ARFGEF1: variants seen among roughly 807,000 people sequenced by gnomAD.
ARFGEF1 encodes brefeldin A-inhibited guanine nucleotide-exchange protein 1.
In ARFGEF1, 42 loss-of-function variants were observed where a neutral mutation model predicts 231.0. The ratio of observed to expected loss-of-function variants is 0.18; its 90% CI spans 0.14 to 0.24. The LOEUF is 0.24. Ranked by LOEUF, ARFGEF1 falls within the 10% of genes least tolerant of loss-of-function variation. ARFGEF1 has a pLI of 1.00. For missense variants in ARFGEF1, 1,345 were observed against 2,192.0 expected (o/e 0.61, Z 7.72); for synonymous variants, 710 against 732.3 (o/e 0.97, Z 0.49).
Position 67,338,413 on chromosome 8 carries a change from T to C in ARFGEF1, c.124+4751A>G, listed in dbSNP as rs537289545. Among the ~76,000 whole-genome samples the C allele has an allele frequency of 4.4e-4, 67 of 152,234 alleles. 1 individual carries two copies. The highest frequency in any genetic ancestry group is 1.5e-3 in the African/African-American group (64 of 41,536). On this transcript the variant is annotated intron_variant, in intron 1 of 38. Coordinates refer to ENST00000262215, the MANE Select transcript of ARFGEF1 (RefSeq NM_006421.5). Reference sequence around the variant, plus strand: ...GGGAGTTAACTGAGTTAGCAAACAATGAAAAAGGATCACATAAATTCAGGA... The same window carrying C: ...GGGAGTTAACTGAGTTAGCAAACAACGAAAAAGGATCACATAAATTCAGGA...
At chr8:67,228,311 T>G in intron 23 of ARFGEF1, 47 bp from the exon 24 acceptor site, 1 of 1,541,934 alleles carries the variant, frequency 6.5e-7, no homozygotes, top group East Asian at 2.3e-5. Flanking sequence ...GTTACTGTTC[T>G]TATTCCAATT....
chr8:67,286,430 T>A (rs907022414), intron 7 of ARFGEF1, among the ~76,000 whole-genome samples: 2 of 152,120 alleles, frequency 1.3e-5, no homozygotes, highest in African/African-American at 4.8e-5. Context: ...TTATAAAGGG[T>A]CAGATGATAA....
chr8:67,295,382 G>A (rs961321499), intron 5 of ARFGEF1, among the ~76,000 whole-genome samples: 45 of 152,218 alleles, frequency 3.0e-4, no homozygotes, highest in Admixed American at 2.6e-3. Context: ...TTAACCAAGT[G>A]ATCAAGGTTA....
intron 5 of ARFGEF1, among the ~76,000 whole-genome samples, chr8:67,180,444 G>C (rs1324937192): frequency 1.3e-5 from 2 of 152,160 alleles, no homozygotes; most frequent in Non-Finnish European, 2.9e-5. Context: ...GATAGGGAGA[G>C]GTGTATATGG....
intron 1 of ARFGEF1, among the ~76,000 whole-genome samples, chr8:67,335,986 T>C (rs1292546716): frequency 1.3e-5 from 2 of 152,194 alleles, no homozygotes; most frequent in Non-Finnish European, 2.9e-5. Context: ...CCTGACCTCA[T>C]GATCCACCTG....
At chr8:67,292,180 G>A in intron 5 of ARFGEF1, 57 bp from the exon 6 acceptor site, 1 of 1,480,802 alleles carries the variant, frequency 6.8e-7, no homozygotes. Flanking sequence ...AATTTGGAAG[G>A]ATAATGTTAC....
In ARFGEF1 at chr8:67,343,660, G is replaced by A. The variant is rs1238054289; in HGVS notation, c.-373C>T. The A allele has an allele frequency of 1.0e-6, 1 of 979,730 alleles. No individual in the cohort carries two copies. Among genetic ancestry groups the A allele is most frequent in the Admixed American group, 5.9e-5 (1 of 16,992 alleles). The allele number at this position is 979,730 out of a possible 1,614,324, so 60.7% of individuals were successfully genotyped here. On this transcript the variant is annotated 5_prime_UTR_variant, in exon 1 of 39. Coordinates refer to ENST00000262215, the MANE Select transcript of ARFGEF1 (RefSeq NM_006421.5). ...GGGAACTGAGGGACGAGGTGGCGGC[G>A]GCTCTCAGAGGCACCGCGAGAGAAG...
In ARFGEF1 at chr8:67,227,338, A is replaced by G. The variant is rs779140904; in HGVS notation, c.3744-29T>C. 1.1e-5 allele frequency: 18 copies of G among 1,603,300 alleles called. No homozygotes were observed. The South Asian group carries it at 1.7e-4, about 15-fold the overall frequency. ...AAAATATTAATATAATTGCTTGGAT[A>G]TGCAAACCGATAAAACTCATCAGTT... On this transcript the variant is annotated intron_variant, in intron 26 of 38. Coordinates refer to ENST00000262215, the MANE Select transcript of ARFGEF1 (RefSeq NM_006421.5).
chr8:67,317,761 C>T (rs904931017), intron 1 of ARFGEF1, among the ~76,000 whole-genome samples: 7 of 151,290 alleles, frequency 4.6e-5, no homozygotes, highest in East Asian at 2.0e-4. Flanking sequence ...TAGCCAGGCA[C>T]GGTGGCACTT....
chr8:67,313,023 G>A (rs894292796), intron 1 of ARFGEF1, among the ~76,000 whole-genome samples: 3 of 152,136 alleles, frequency 2.0e-5, no homozygotes, highest in African/African-American at 7.2e-5. Context: ...GGGAACAACA[G>A]AAAGCAAAAG....
chr8:67,322,559 G>C (rs1807645758), intron 1 of ARFGEF1, among the ~76,000 whole-genome samples: 1 of 152,154 alleles, frequency 6.6e-6, no homozygotes, highest in African/African-American at 2.4e-5. Flanking sequence ...AAATTAGCCA[G>C]GCATGATGGC....
At chr8:67,342,298 G>A (rs1433276711) in intron 1 of ARFGEF1, among the ~76,000 whole-genome samples, 2 of 152,114 alleles carry the variant, frequency 1.3e-5, no homozygotes, top group Non-Finnish European at 1.5e-5. Context: ...TAACCTCATA[G>A]GTAGGAGGTA....
intron 4 of ARFGEF1, among the ~76,000 whole-genome samples, chr8:67,297,750 A>C (rs1806300087): frequency 6.6e-6 from 1 of 151,940 alleles, no homozygotes; most frequent in African/African-American, 2.4e-5. Flanking sequence ...GCATTATCTT[A>C]AACCATAAAT....
chr8:67,318,239 GAAA>G (rs34563091), intron 1 of ARFGEF1, among the ~76,000 whole-genome samples: 7 of 78,188 alleles, frequency 9.0e-5, no homozygotes, highest in African/African-American at 2.9e-4. Context: ...TCCGTCTCAA[GAAA>G]AAAAAAAAAA....
At chr8:67,310,908 C>G (rs1283838435) in intron 1 of ARFGEF1, among the ~76,000 whole-genome samples, 1 of 151,596 alleles carries the variant, frequency 6.6e-6, no homozygotes, top group Non-Finnish European at 1.5e-5. Flanking sequence ...CGGCAGCCAC[C>G]CCATCTGGGA....
intron 1 of ARFGEF1, among the ~76,000 whole-genome samples, chr8:67,315,755 G>C (rs1319437969): frequency 6.6e-6 from 1 of 151,876 alleles, no homozygotes; most frequent in Non-Finnish European, 1.5e-5. Flanking sequence ...AGTCTTAAGG[G>C]AAATTTTTAA....
At chr8:67,338,500 T>C (rs113899225) in intron 1 of ARFGEF1, among the ~76,000 whole-genome samples, 3,391 of 152,318 alleles carry the variant, frequency 0.022, 81 homozygotes, top group South Asian at 0.047. Flanking sequence ...GAATCTTAAC[T>C]ATGTTCATGT....
At chr8:67,204,630 C>T (rs966401471) in intron 35 of ARFGEF1, 50 bp downstream of exon 35, 4 of 1,576,928 alleles carry the variant, frequency 2.5e-6, no homozygotes, top group Admixed American at 1.8e-5. Context: ...GACTGCTATA[C>T]CTAACTTCCT....
At chr8:67,266,735 C>CATT (rs1474466220) in intron 13 of ARFGEF1, 141 bp downstream of exon 13, 15 of 554,050 alleles carry the variant, frequency 2.7e-5, no homozygotes, top group Non-Finnish European at 4.5e-5. Flanking sequence ...TAAAGCTAGA[C>CATT]ATTTAACTCA....
Sources: gnomAD v4.1 joint callset for allele counts (sites outside exome capture counted in the v4.1 genomes callset) on GRCh38, gnomAD v4.1.1 for gene constraint, MANE v1.5 for transcripts, NCBI Gene and HGNC (gene_info 2026-07-23, HGNC 2026-07-21) for gene names.